Variants in DHX32 observed in about 807,000 individuals in gnomAD.
DHX32 encodes the protein DEAH-box helicase 32 (putative), also known as putative pre-mRNA-splicing factor ATP-dependent RNA helicase DHX32.
DHX32 carries 51 observed loss-of-function variants against 70.0 expected under a neutral mutation model. The observed-to-expected ratio is 0.73, with a 90% CI of 0.58 to 0.92. The LOEUF (loss-of-function observed/expected upper bound fraction) is 0.92. Ranked by LOEUF, DHX32 falls within the 40% of genes least tolerant of loss-of-function variation. The pLI is 0.00. For missense variants in DHX32, 762 were observed against 891.8 expected (o/e 0.85, Z 1.85); for synonymous variants, 310 against 315.3 (o/e 0.98, Z 0.18).
intron 2 of DHX32, among the ~76,000 whole-genome samples, chr10:125,864,135 TTTTCAATAGC>T: frequency 6.6e-6 from 1 of 152,216 alleles, no homozygotes. Flanking sequence ...CATAGGGGTC[TTTTCAATAGC>T]TCTGGCCTCT....
chr10:125,880,826 T>C lies in DHX32; in HGVS notation c.-2A>G. On this transcript the variant is annotated 5_prime_UTR_variant, in exon 1 of 11. Coordinates refer to ENST00000284690, the MANE Select transcript of DHX32 (RefSeq NM_018180.3). ...ACACTCCAGCCCTTCTTCTTCCATC[T>C]TGTCTGACAGTGAGCTCACGCAGCT... The C allele has an allele frequency of 1.9e-6, 3 of 1,609,388 alleles. No homozygotes were observed. The highest frequency in any genetic ancestry group is 8.5e-7 in the Non-Finnish European group (1 of 1,177,952).
intron 1 of DHX32, among the ~76,000 whole-genome samples, chr10:125,893,130 C>A (rs1457863149): frequency 6.6e-6 from 1 of 152,276 alleles, no homozygotes; most frequent in East Asian, 1.9e-4. Context: ...CCGTGTAGCA[C>A]CCCCAGTAGG....
At chr10:125,847,480 C>A (rs1425783847) in intron 6 of DHX32, among the ~76,000 whole-genome samples, 3 of 152,066 alleles carry the variant, frequency 2.0e-5, no homozygotes, top group Non-Finnish European at 4.4e-5. Flanking sequence ...TAGGGAAGAA[C>A]AAAAAGAGCT....
At chr10:125,883,259 T>C (rs1944328350), upstream of DHX32, among the ~76,000 whole-genome samples, 1 of 152,186 alleles carries the variant, frequency 6.6e-6, no homozygotes. Flanking sequence ...TCTGTTATAG[T>C]GGAATTAAAG....
rs61570718 is a variant in DHX32, at chr10:125,864,929, C to CAAAAAAAAAAAAAAAAAAAAAAA, written c.476+2038_476+2060dup. On this transcript the variant is annotated intron_variant, in intron 2 of 10. Transcript: ENST00000284690. ...TGGGAGACAGAGTGGGACTCTGTCT[C>CAAAAAAAAAAAAAAAAAAAAAAA]AAAAAAAAAAAAAAAAAAAAAAAAA... Among the ~76,000 whole-genome samples the CAAAAAAAAAAAAAAAAAAAAAAA allele has an allele frequency of 7.4e-5, 4 of 54,212 alleles. 1 individual carries two copies. Among genetic ancestry groups the CAAAAAAAAAAAAAAAAAAAAAAA allele is most frequent in the Non-Finnish European group, 9.3e-5 (3 of 32,386 alleles). 35.6% of individuals were successfully genotyped at this position (54,212 alleles called of 152,430 possible).
At chr10:125,885,535 G>A (rs1319924960), upstream of DHX32, among the ~76,000 whole-genome samples, 1 of 152,126 alleles carries the variant, frequency 6.6e-6, no homozygotes, top group Non-Finnish European at 1.5e-5. Flanking sequence ...GGCCACGGCC[G>A]AAGAATGATG....
At chr10:125,890,973 T>C (rs1011209870) in intron 1 of DHX32, among the ~76,000 whole-genome samples, 80 of 152,216 alleles carry the variant, frequency 5.3e-4, no homozygotes, top group African/African-American at 1.9e-3. Context: ...TTAATGTATA[T>C]ACAGAAAGTC....
chr10:125,867,263 A>C (rs1183187707), intron 1 of DHX32, 80 bp from the exon 2 acceptor site: 1 of 1,230,938 alleles, frequency 8.1e-7, no homozygotes, highest in Non-Finnish European at 1.1e-6. Flanking sequence ...AGCAGGGTTC[A>C]TCTTATAAGT....
At chr10:125,860,959 A>G (rs1944184158) in intron 2 of DHX32, among the ~76,000 whole-genome samples, 1 of 151,710 alleles carries the variant, frequency 6.6e-6, no homozygotes, top group African/African-American at 2.4e-5. Flanking sequence ...TCACCGTGTT[A>G]GCCAGGATGG....
intron 1 of DHX32, chr10:125,869,246 A>G (rs1327459884): frequency 6.6e-6 from 1 of 152,166 alleles, no homozygotes; most frequent in Non-Finnish European, 1.5e-5. Flanking sequence ...AACATCATTC[A>G]TGTGAAAAGC....
chr10:125,853,877 C>G, intron 4 of DHX32, 84 bp downstream of exon 4: 2 of 1,509,826 alleles, frequency 1.3e-6, no homozygotes, highest in East Asian at 4.5e-5. Context: ...ATCCTCACTT[C>G]CTGATCAGTA....
chr10:125,851,615 C>T (rs1255621777), intron 6 of DHX32, among the ~76,000 whole-genome samples: 1 of 152,128 alleles, frequency 6.6e-6, no homozygotes, highest in Non-Finnish European at 1.5e-5. Context: ...GGACACACCA[C>T]CCCAAAATAT....
At position 125,880,933 on chromosome 10, in the gene DHX32, C is replaced by T; in HGVS notation, c.-109G>A. On this transcript the variant is annotated 5_prime_UTR_variant, in exon 1 of 11. Coordinates refer to ENST00000284690, the MANE Select transcript of DHX32 (RefSeq NM_018180.3). ...GCCTATTTATACAAACCCGTATGTT[C>T]CAATCTCTAAGACTTCAGTTCAAGG... 1.5e-6 allele frequency: 2 copies of T among 1,307,528 alleles called. No individual in the cohort carries two copies. Among genetic ancestry groups the T allele is most frequent in the Admixed American group, 2.3e-5 (1 of 43,274 alleles). The allele number at this position is 1,307,528 out of a possible 1,614,324, so 81.0% of individuals were successfully genotyped here. A position where few individuals can be genotyped will look rare whatever the true frequency, so the allele number is the denominator to read the frequency against.
Position 125,866,949 on chromosome 10 carries a change from A to C in DHX32, c.476+41T>G. ...CTTCAGAATTGTAGAACCTAAGCCA[A>C]GAATCATCAGCAGGGAGCGGACTGA... On this transcript the variant is annotated intron_variant, in intron 2 of 10. Coordinates refer to ENST00000284690, the MANE Select transcript of DHX32 (RefSeq NM_018180.3). The surrounding 1 kb of genome is among the most constrained non-coding windows in gnomAD (Gnocchi z 4.8). 1 of 1,579,698 alleles carries C rather than the reference A, an allele frequency of 6.3e-7. No individual in the cohort carries two copies. The highest frequency in any genetic ancestry group is 8.6e-7 in the Non-Finnish European group (1 of 1,158,026).
intron 7 of DHX32, 185 bp downstream of exon 7, chr10:125,841,558 T>C (rs1477809811): frequency 1.4e-6 from 2 of 1,430,010 alleles, no homozygotes; most frequent in African/African-American, 2.9e-5. Flanking sequence ...AAGATAATTT[T>C]TCATATTAAG....
chr10:125,859,330 T>G (rs559800487), intron 3 of DHX32, among the ~76,000 whole-genome samples: 118 of 152,288 alleles, frequency 7.7e-4, no homozygotes, highest in African/African-American at 2.7e-3. Flanking sequence ...AGCTGTGCCT[T>G]TGGGGCAGCC....
intron 1 of DHX32, among the ~76,000 whole-genome samples, chr10:125,867,462 T>C (rs549835232): frequency 1.4e-4 from 21 of 151,898 alleles, no homozygotes; most frequent in South Asian, 4.2e-4. Context: ...ACAGGCCGGG[T>C]GTGGTGGCTC....
chr10:125,867,175 C>T lies in DHX32; in HGVS notation c.291G>A (p.Gln97=). 1.2e-6 allele frequency: 2 copies of T among 1,605,570 alleles called. No homozygotes were observed. The highest frequency in any genetic ancestry group is 2.2e-5 in the South Asian group (2 of 90,164). Residue 97 remains glutamine (Q), a synonymous_variant, in exon 2 of 11, where the codon CAG becomes CAA. Transcript: ENST00000284690. The part of the protein sequence containing the change: ...AKCGKSAQVP[Q]WCAEYCLSIH... ...TGGAAAGACAATATTCAGCACACCA[C>T]TGAGGAACCTGTAGCAGGAAAAAAT... is the stretch of plus-strand genomic sequence containing the variant.
At chr10:125,861,254 T>C (rs567374216) in intron 2 of DHX32, among the ~76,000 whole-genome samples, 54 of 151,580 alleles carry the variant, frequency 3.6e-4, no homozygotes, top group Non-Finnish European at 5.2e-4. Context: ...TCCCAGCACT[T>C]TGGGAGGCCG....
Sources: allele counts gnomAD v4.1 joint callset (sites outside exome capture counted in the v4.1 genomes callset), GRCh38; gene constraint gnomAD v4.1.1; non-coding constraint Gnocchi (gnomAD v3.1); transcripts MANE v1.5; gene names NCBI Gene and HGNC (gene_info 2026-07-23, HGNC 2026-07-21).